Variants in ZBTB7C observed in about 807,000 individuals in gnomAD.
The protein encoded by ZBTB7C is zinc finger and BTB domain containing 7C.
Under a neutral mutation model 25.7 loss-of-function variants are expected in ZBTB7C, and 8 were observed. That is an observed-to-expected ratio of 0.31 (90% confidence interval 0.18 to 0.56). The LOEUF is 0.56. Among genes scored for constraint, ZBTB7C ranks in the 20% least tolerant of loss-of-function variants. The pLI, the probability that ZBTB7C is intolerant of heterozygous loss-of-function variation, is 0.91. For synonymous variants in ZBTB7C, 394 were observed against 369.0 expected, an observed-to-expected ratio of 1.07 and a Z score of -0.78; for missense variants, 824 against 855.2, an observed-to-expected ratio of 0.96 and a Z score of 0.46.
chr18:48,223,609 G>A (rs966809418), intron 2 of ZBTB7C, among the ~76,000 whole-genome samples: 2 of 152,186 alleles, frequency 1.3e-5, no homozygotes, highest in Admixed American at 6.5e-5. Context: ...GGAGGGGTGA[G>A]GATGGTGTCC....
intron 2 of ZBTB7C, among the ~76,000 whole-genome samples, chr18:48,292,866 A>T (rs1474048929): frequency 6.6e-6 from 1 of 152,196 alleles, no homozygotes; most frequent in African/African-American, 2.4e-5. Context: ...CCCAGCATAA[A>T]GCATTGAAAT....
chr18:48,029,830 C>T lies in ZBTB7C; in HGVS notation c.1290G>A (p.Val430=). ...TGTGGTTCTTGAGGTCGTAGTTGTGCACGAACTTGGCGTTGCAGTGGATGC... is the reference window on the plus strand; with the variant it reads ...TGTGGTTCTTGAGGTCGTAGTTGTGTACGAACTTGGCGTTGCAGTGGATGC... The part of the protein sequence containing the change: ...YLCIHCNAKF[V]HNYDLKNHMR... Residue 430 remains valine (V), a synonymous_variant, in exon 5 of 5, where the codon GTG becomes GTA. Coordinates refer to ENST00000590800, the MANE Select transcript of ZBTB7C (RefSeq NM_001318841.2). 1.2e-6 allele frequency: 2 copies of T among 1,609,984 alleles called. No homozygotes were observed. Among genetic ancestry groups the T allele is most frequent in the Non-Finnish European group, 8.5e-7 (1 of 1,180,004 alleles).
intron 2 of ZBTB7C, among the ~76,000 whole-genome samples, chr18:48,236,476 A>C (rs1178919690): frequency 6.6e-6 from 1 of 152,228 alleles, no homozygotes; most frequent in Non-Finnish European, 1.5e-5. Context: ...GCACCACCTA[A>C]AACCCACGCT....
intron 3 of ZBTB7C, among the ~76,000 whole-genome samples, chr18:48,049,361 C>T (rs1179591687): frequency 6.6e-6 from 1 of 152,128 alleles, no homozygotes; most frequent in East Asian, 1.9e-4. Context: ...AATGAGTCAG[C>T]CTGAGGTTCC....
At chr18:48,360,022 T>C (rs2047066908) in intron 1 of ZBTB7C, among the ~76,000 whole-genome samples, 1 of 152,200 alleles carries the variant, frequency 6.6e-6, no homozygotes, top group South Asian at 2.1e-4. Context: ...TCTAGAATTG[T>C]TCATGAATAG....
At chr18:48,180,986 C>T (rs1248263251) in intron 3 of ZBTB7C, among the ~76,000 whole-genome samples, 2 of 151,862 alleles carry the variant, frequency 1.3e-5, no homozygotes, top group Non-Finnish European at 2.9e-5. Flanking sequence ...GGACAAGTTA[C>T]TTAACCTCAC....
chr18:48,369,512 T>A (rs2047337208), intron 1 of ZBTB7C, among the ~76,000 whole-genome samples: 1 of 152,022 alleles, frequency 6.6e-6, no homozygotes, highest in Non-Finnish European at 1.5e-5. Context: ...AAATTCACTT[T>A]AAAAATAACA....
chr18:48,102,493 A>G (rs1157960671), intron 3 of ZBTB7C, among the ~76,000 whole-genome samples: 1 of 151,266 alleles, frequency 6.6e-6, no homozygotes, highest in East Asian at 1.9e-4. Flanking sequence ...TGAGCCCACA[A>G]GTTTGAAGTT....
chr18:48,260,540 G>A (rs577769363), intron 2 of ZBTB7C, among the ~76,000 whole-genome samples: 24 of 152,238 alleles, frequency 1.6e-4, no homozygotes, highest in African/African-American at 5.3e-4. Flanking sequence ...AACAACATGC[G>A]CTACAGTAAG....
At chr18:48,138,633 A>C (rs1035795401) in intron 3 of ZBTB7C, among the ~76,000 whole-genome samples, 6 of 152,094 alleles carry the variant, frequency 3.9e-5, no homozygotes, top group Admixed American at 2.6e-4. Flanking sequence ...TGGGTGCTGA[A>C]GGGAAGAAGC....
chr18:48,265,443 C>T (rs577622075), intron 2 of ZBTB7C, among the ~76,000 whole-genome samples: 7 of 152,278 alleles, frequency 4.6e-5, no homozygotes, highest in Non-Finnish European at 8.8e-5. Flanking sequence ...CTCGGATTTT[C>T]GCTTAAGCTG....
In ZBTB7C at chr18:48,028,861, C is replaced by T. The variant is rs2035606446; in HGVS notation, c.*399G>A. 1 of 204,494 alleles carries T rather than the reference C, an allele frequency of 4.9e-6. No individual in the cohort carries two copies. Among genetic ancestry groups the T allele is most frequent in the Non-Finnish European group, 9.5e-6 (1 of 104,812 alleles). 12.7% of individuals were successfully genotyped at this position (204,494 alleles called of 1,614,324 possible). The stretch of plus-strand genomic sequence containing the variant: ...TTTGCCATAGGGGGTGGGGCTTAAC[C>T]AAGGTGCATGCCCAGCCCCTACCTC... On this transcript the variant is annotated 3_prime_UTR_variant, in exon 5 of 5. Coordinates refer to ENST00000590800, the MANE Select transcript of ZBTB7C (RefSeq NM_001318841.2).
At chr18:48,345,161 C>T (rs745655167) in intron 1 of ZBTB7C, among the ~76,000 whole-genome samples, 1 of 152,176 alleles carries the variant, frequency 6.6e-6, no homozygotes, top group Non-Finnish European at 1.5e-5. Context: ...AACAGGAAGA[C>T]CTTGGTAACC....
At chr18:48,038,293 C>T (rs1343164504) in intron 4 of ZBTB7C, among the ~76,000 whole-genome samples, 2 of 152,146 alleles carry the variant, frequency 1.3e-5, no homozygotes, top group East Asian at 1.9e-4. Context: ...TGCAGATTCT[C>T]CCTCTACTGT....
rs760467995 is a variant in ZBTB7C at position 48,040,066 on chromosome 18, G to A, written c.1042C>T (p.Pro348Ser). Reference sequence around the variant, plus strand: ...CGCTCTTCTACCAGGGGCCAGGGTGGGAAGAGGCCTCCCAGGTGGGTGGCA... The same window carrying A: ...CGCTCTTCTACCAGGGGCCAGGGTGAGAAGAGGCCTCCCAGGTGGGTGGCA... Reference protein sequence around the residue: ...LSATHLGGLFPPWPLVEERKL... With the variant: ...LSATHLGGLFSPWPLVEERKL... The change falls in exon 4 of 5, where the codon CCA becomes TCA. Residue 348 changes from proline to serine, a missense_variant. This residue lies in a region of ZBTB7C where 316 missense variants were observed against 299.2 expected (regional missense o/e 1.06). Transcript: ENST00000590800. 8.7e-6 allele frequency: 14 copies of A among 1,613,488 alleles called. No homozygotes were observed. Among genetic ancestry groups the A allele is most frequent in the Middle Eastern group, 3.3e-4 (2 of 6,056 alleles).
chr18:48,284,215 G>A (rs1387949912), intron 2 of ZBTB7C, among the ~76,000 whole-genome samples: 1 of 152,234 alleles, frequency 6.6e-6, no homozygotes, highest in East Asian at 1.9e-4. Flanking sequence ...AGCACTCTGG[G>A]AGGCCAAGGC....
Position 48,210,605 on chromosome 18 carries a change from C to T in ZBTB7C, c.-78-24610G>A, listed in dbSNP as rs914882227. The stretch of plus-strand genomic sequence containing the variant: ...AATTCCATTTAAATTACATGTCCAG[C>T]AAAGGCAAATTATTAGAGACAGAAG... On this transcript the variant is annotated intron_variant, in intron 2 of 4. Transcript: ENST00000590800. Among the ~76,000 whole-genome samples the T allele has an allele frequency of 2.6e-5, 4 of 152,048 alleles. No homozygotes were observed. The East Asian group carries it at 7.7e-4, about 29-fold the overall frequency.
In ZBTB7C at chr18:48,045,583, C is replaced by T. The variant is rs868381448; in HGVS notation, c.-16-4460G>A. On this transcript the variant is annotated intron_variant, in intron 3 of 4. Coordinates refer to ENST00000590800, the MANE Select transcript of ZBTB7C (RefSeq NM_001318841.2). ...CTCAGCTGCCATGCCTTTGTTCATG[C>T]TGAACTCTTGGCTGGAGATTACAAC... Among the ~76,000 whole-genome samples, 4 of 152,320 alleles carry T rather than the reference C, an allele frequency of 2.6e-5. No individual in the cohort carries two copies. The South Asian group carries it at 8.3e-4, about 32-fold the overall frequency.
chr18:48,201,846 C>T (rs73433311), intron 2 of ZBTB7C, among the ~76,000 whole-genome samples: 3,382 of 152,290 alleles, frequency 0.022, 49 homozygotes, highest in African/African-American at 0.025. Context: ...CAGTCTTCCT[C>T]GGGAAAAACC....
Sources: gnomAD v4.1 joint callset for allele counts (sites outside exome capture counted in the v4.1 genomes callset) on GRCh38, gnomAD v4.1.1 for gene constraint, gnomAD v4.1.1 regional missense constraint, MANE v1.5 for transcripts, NCBI Gene and HGNC (gene_info 2026-07-23, HGNC 2026-07-21) for gene names.